Variants in MAGI1 observed in about 807,000 individuals in gnomAD.
MAGI1 encodes membrane associated guanylate kinase, WW and PDZ domain containing 1.
MAGI1 carries 58 observed loss-of-function variants against 139.9 expected under a neutral mutation model. The observed-to-expected ratio is 0.41, with a 90% CI of 0.34 to 0.52. The LOEUF (loss-of-function observed/expected upper bound fraction) is 0.52. Among genes scored for constraint, MAGI1 ranks in the 20% least tolerant of loss-of-function variants. MAGI1 has a pLI of 0.12. For missense variants in MAGI1, 1,874 were observed against 1,901.6 expected, an observed-to-expected ratio of 0.99 and a Z score of 0.27; for synonymous variants, 812 against 737.9, an observed-to-expected ratio of 1.10 and a Z score of -1.63.
intron 21 of MAGI1, among the ~76,000 whole-genome samples, chr3:65,362,157 G>A (rs956279671): frequency 6.6e-6 from 1 of 152,076 alleles, no homozygotes; most frequent in Admixed American, 6.5e-5. Flanking sequence ...TTAACTTCCT[G>A]GAGTCTACTT....
At chr3:65,635,107 CA>C (rs1287136429) in intron 1 of MAGI1, among the ~76,000 whole-genome samples, 1 of 152,010 alleles carries the variant, frequency 6.6e-6, no homozygotes, top group African/African-American at 2.4e-5. Flanking sequence ...ATTTCTGAGA[CA>C]GGCTGGAGTA....
chr3:65,748,372 G>A (rs2035870418), intron 1 of MAGI1, among the ~76,000 whole-genome samples: 1 of 152,152 alleles, frequency 6.6e-6, no homozygotes, highest in South Asian at 2.1e-4. Flanking sequence ...TCAAGTTCAA[G>A]TCTTTTGGGG....
At chr3:66,000,024 G>T (rs2066659460) in intron 1 of MAGI1, among the ~76,000 whole-genome samples, 1 of 144,820 alleles carries the variant, frequency 6.9e-6, no homozygotes, top group African/African-American at 2.7e-5. Context: ...CCAGGCTGGA[G>T]TGCAGTGGCG....
intron 13 of MAGI1, among the ~76,000 whole-genome samples, chr3:65,392,956 G>C (rs1231936485): frequency 2.0e-5 from 3 of 152,294 alleles, no homozygotes; most frequent in South Asian, 2.1e-4. Flanking sequence ...AACTGTATGA[G>C]AGGCTTAATT....
intron 1 of MAGI1, among the ~76,000 whole-genome samples, chr3:65,765,216 CATTTGGCAA>C (rs2037367966): frequency 6.6e-6 from 1 of 152,142 alleles, no homozygotes; most frequent in African/African-American, 2.4e-5. Context: ...AGAATAAAAA[CATTTGGCAA>C]AGACAATGAA....
intron 4 of MAGI1, among the ~76,000 whole-genome samples, chr3:65,476,835 G>A (rs1403962353): frequency 6.6e-6 from 1 of 151,990 alleles, no homozygotes; most frequent in African/African-American, 2.4e-5. Flanking sequence ...TTTTGGTAAG[G>A]GCCACTATAA....
intron 1 of MAGI1, among the ~76,000 whole-genome samples, chr3:65,868,683 C>T (rs2059813375): frequency 6.6e-6 from 1 of 152,132 alleles, no homozygotes; most frequent in Non-Finnish European, 1.5e-5. Flanking sequence ...TAACTAATCT[C>T]CCTCAAAAAA....
At chr3:65,957,350 CAA>C (rs1174740233) in intron 1 of MAGI1, among the ~76,000 whole-genome samples, 12 of 91,484 alleles carry the variant, frequency 1.3e-4, no homozygotes, top group Non-Finnish European at 8.5e-5. Flanking sequence ...CCTGTCTCTA[CAA>C]AAAAAAAAAA....
At chr3:66,036,858 G>T (rs1425550483) in intron 1 of MAGI1, among the ~76,000 whole-genome samples, 1 of 152,160 alleles carries the variant, frequency 6.6e-6, no homozygotes, top group Non-Finnish European at 1.5e-5. Context: ...GCCCTTTAAG[G>T]GCCTCAGCTG....
At chr3:65,485,502 T>A (rs1252669966) in intron 3 of MAGI1, among the ~76,000 whole-genome samples, 1 of 152,092 alleles carries the variant, frequency 6.6e-6, no homozygotes, top group Non-Finnish European at 1.5e-5. Flanking sequence ...TTGTCAAGAT[T>A]AAATTAGATA....
intron 2 of MAGI1, among the ~76,000 whole-genome samples, chr3:65,505,496 T>C (rs2177685): frequency 0.11 from 16,563 of 151,798 alleles, 1,184 homozygotes; most frequent in Middle Eastern, 0.15. Context: ...TTTTTTTAAA[T>C]TAGCCAGATA....
intron 1 of MAGI1, among the ~76,000 whole-genome samples, chr3:65,943,587 C>A (rs1047925525): frequency 6.6e-5 from 10 of 151,100 alleles, no homozygotes; most frequent in Non-Finnish European, 1.5e-4. Flanking sequence ...AAAAAAAAAA[C>A]TTCTCAGGAA....
intron 2 of MAGI1, among the ~76,000 whole-genome samples, chr3:65,549,669 GC>G (rs1354430702): frequency 6.6e-6 from 1 of 152,076 alleles, no homozygotes; most frequent in Non-Finnish European, 1.5e-5. Context: ...CTGCCTGCCC[GC>G]CCCCATCCTC....
intron 1 of MAGI1, among the ~76,000 whole-genome samples, chr3:65,890,839 G>A (rs144453459): frequency 6.6e-6 from 1 of 152,310 alleles, no homozygotes; most frequent in Admixed American, 6.5e-5. Context: ...CTTGTCAATA[G>A]ACAGCTGGAA....
At chr3:65,890,237 C>G (rs1000670185) in intron 1 of MAGI1, among the ~76,000 whole-genome samples, 1 of 152,056 alleles carries the variant, frequency 6.6e-6, no homozygotes, top group African/African-American at 2.4e-5. Flanking sequence ...TGGTGGCGGG[C>G]GCCTGCAGTC....
At chr3:65,440,900 G>A (rs58661290) in intron 8 of MAGI1, among the ~76,000 whole-genome samples, 96,654 of 134,186 alleles carry the variant, frequency 0.72, 32,030 homozygotes, top group East Asian at 0.94. Context: ...TGGTACATAT[G>A]TGTGTATATA....
chr3:65,903,291 G>C (rs1254387246), intron 1 of MAGI1, among the ~76,000 whole-genome samples: 2 of 152,150 alleles, frequency 1.3e-5, no homozygotes, highest in Non-Finnish European at 2.9e-5. Context: ...ACCACAGCTT[G>C]AAGTCTTAAT....
chr3:65,815,092 T>C (rs985430564), intron 1 of MAGI1, among the ~76,000 whole-genome samples: 2 of 152,192 alleles, frequency 1.3e-5, no homozygotes, highest in African/African-American at 2.4e-5. Context: ...GCCCCTTCTC[T>C]AGAGGGAGGC....
chr3:65,700,593 T>C (rs1559800257), intron 1 of MAGI1, among the ~76,000 whole-genome samples: 1 of 152,234 alleles, frequency 6.6e-6, no homozygotes. Flanking sequence ...TTGTATTCCA[T>C]GGCTGCCCTG....
Sources: gnomAD v4.1 joint callset for allele counts (sites outside exome capture counted in the v4.1 genomes callset) on GRCh38, gnomAD v4.1.1 for gene constraint, MANE v1.5 for transcripts, NCBI Gene and HGNC (gene_info 2026-07-23, HGNC 2026-07-21) for gene names.